Variants in PROCA1 observed in about 807,000 individuals in gnomAD.
The protein encoded by PROCA1 is protein interacting with cyclin A1.
In PROCA1, 22 loss-of-function variants were observed where a neutral mutation model predicts 23.2. That is an observed-to-expected ratio of 0.95 (90% CI 0.68 to 1.35). PROCA1 has a LOEUF of 1.35. Among genes scored for constraint, PROCA1 ranks in the 40% most tolerant of loss-of-function variants. The pLI is 0.00. For missense variants in PROCA1, 469 were observed against 459.8 expected (o/e 1.02, Z -0.18); for synonymous variants, 182 against 179.2 (o/e 1.02, Z -0.12).
At chr17:28,709,427 A>T (rs1396356098) in intron 1 of PROCA1, among the ~76,000 whole-genome samples, 1 of 151,446 alleles carries the variant, frequency 6.6e-6, no homozygotes, top group Non-Finnish European at 1.5e-5. Flanking sequence ...GGCTAATTTT[A>T]TGTATTTTTA....
chr17:28,707,028 C>T (rs1454167129), intron 1 of PROCA1: 2 of 342,316 alleles, frequency 5.8e-6, no homozygotes, highest in African/African-American at 2.2e-5. Context: ...AAGGGTAGCA[C>T]AGGACAAGGG....
chr17:28,711,527 C>A (rs1192223851), intron 1 of PROCA1, 43 bp downstream of exon 1: 1 of 1,522,414 alleles, frequency 6.6e-7, no homozygotes, highest in South Asian at 1.2e-5. Flanking sequence ...GGTCTGCGAG[C>A]CGGGCCGCGC....
At chr17:28,711,233 C>T in intron 1 of PROCA1, 1 of 1,007,794 alleles carries the variant, frequency 9.9e-7, no homozygotes, top group Non-Finnish European at 1.3e-6. Flanking sequence ...CCAGCCAAGG[C>T]CGGCGCTTCA....
chr17:28,706,860 G>A lies in PROCA1; in HGVS notation c.92-97C>T, dbSNP rs903936070. 5.4e-5 allele frequency: 63 copies of A among 1,177,196 alleles called. 1 individual carries two copies. The highest frequency in any genetic ancestry group is 5.6e-5 in the Non-Finnish European group (50 of 897,440). The allele number at this position is 1,177,196 out of a possible 1,614,324, so 72.9% of individuals were successfully genotyped here. ...GAGAAACTCCACATGTCAGGCCCTC[G>A]CTGCATCCTGGAGATGCAGAGATTA... On this transcript the variant is annotated intron_variant, in intron 1 of 4. Coordinates refer to ENST00000682792, the MANE Select transcript of PROCA1 (RefSeq NM_001366301.1).
At position 28,704,110 on chromosome 17, in the gene PROCA1, C is replaced by T. The variant is rs1197082246; in HGVS notation, c.543G>A (p.Glu181=). Reference sequence around the variant, plus strand: ...GTGTCGGGATGGGGGGCTTGCTTTCCTCCTCCTCCTCTTCCTCTTCTTCAT... The same window carrying T: ...GTGTCGGGATGGGGGGCTTGCTTTCTTCCTCCTCCTCTTCCTCTTCTTCAT... ...DLNEEEEEEE[E]ESKPPIPTQV... The change falls in exon 5 of 5, where the codon GAG becomes GAA. Residue 181 remains glutamate (E), a synonymous_variant. Transcript: ENST00000682792. The T allele has an allele frequency of 1.3e-6, 2 of 1,575,034 alleles. No homozygotes were observed. The highest frequency in any genetic ancestry group is 1.9e-5 in the Admixed American group (1 of 51,594).
intron 1 of PROCA1, among the ~76,000 whole-genome samples, chr17:28,707,668 GCTT>G (rs1333471297): frequency 1.3e-5 from 2 of 152,130 alleles, no homozygotes; most frequent in African/African-American, 2.4e-5. Flanking sequence ...TTCTTTACTG[GCTT>G]CTTTTTTCCC....
intron 1 of PROCA1, 59 bp downstream of exon 1, chr17:28,711,511 G>T (rs1295369819): frequency 6.3e-6 from 9 of 1,432,010 alleles, no homozygotes; most frequent in Admixed American, 2.1e-5. Flanking sequence ...CGCGTGCGCC[G>T]CTCGGGGTCT....
At chr17:28,711,400 C>T in intron 1 of PROCA1, 170 bp downstream of exon 1, 1 of 490,772 alleles carries the variant, frequency 2.0e-6, no homozygotes, top group Non-Finnish European at 3.2e-6. Flanking sequence ...AGCCCGCCCC[C>T]GGCCCTAGCT....
chr17:28,703,218 T>C lies in PROCA1; in HGVS notation c.*340A>G. On this transcript the variant is annotated 3_prime_UTR_variant, in exon 5 of 5. Transcript: ENST00000682792. ...AGAGTGGGTTAAAAAGTTCCGTTTA[T>C]TGGGGGTATCGCTGCAGACAGTACT... 3.8e-6 allele frequency: 1 copy of C among 263,210 alleles called. No individual in the cohort carries two copies. The highest frequency in any genetic ancestry group is 7.2e-6 in the Non-Finnish European group (1 of 138,876). The allele number at this position is 263,210 out of a possible 1,614,324, so 16.3% of individuals were successfully genotyped here. A position where few individuals can be genotyped will look rare whatever the true frequency, so the allele number is the denominator to read the frequency against.
Position 28,711,738 on chromosome 17 carries a change from C to A in PROCA1, c.-78G>T, listed in dbSNP as rs2032797436. 10 of 1,322,240 alleles carry A rather than the reference C, an allele frequency of 7.6e-6. No individual in the cohort carries two copies. The highest frequency in any genetic ancestry group is 2.8e-5 in the East Asian group (1 of 36,320). The allele number at this position is 1,322,240 out of a possible 1,614,324, so 81.9% of individuals were successfully genotyped here. A position where few individuals can be genotyped will look rare whatever the true frequency, so the allele number is the denominator to read the frequency against. On this transcript the variant is annotated 5_prime_UTR_variant, in exon 1 of 5. Coordinates refer to ENST00000682792, the MANE Select transcript of PROCA1 (RefSeq NM_001366301.1). ...CTGAGCCTCAGCCCGGCCGAGCCCT[C>A]GGCCCAGCCGTGAACTCCAGTCTCG...
rs1007002100 is a variant in PROCA1, at chr17:28,703,439, T to C, written c.*119A>G. 3 of 1,081,896 alleles carry C rather than the reference T, an allele frequency of 2.8e-6. No individual in the cohort carries two copies. The African/African-American group carries it at 4.7e-5, about 17-fold the overall frequency. 67.0% of individuals were successfully genotyped at this position (1,081,896 alleles called of 1,614,324 possible). On this transcript the variant is annotated 3_prime_UTR_variant, in exon 5 of 5. Transcript: ENST00000682792. ...AGCTGGATTGCCTTTGAGAAACCCC[T>C]GCAGCCCTGAGCCCACCCCTTGCCC...
In PROCA1 at chr17:28,704,411, G is replaced by T; in HGVS notation, c.336C>A (p.Ser112Arg). The change falls in exon 4 of 5, where the codon AGC (serine) becomes AGA (arginine). Residue 112 changes from serine to arginine, a missense_variant. Coordinates refer to ENST00000682792, the MANE Select transcript of PROCA1 (RefSeq NM_001366301.1). ...NSRLKDSSEDSSSSRGAGPTC... is the reference protein window; with the variant it reads ...NSRLKDSSEDRSSSRGAGPTC... Reference sequence around the variant, plus strand: ...TTGGGCCCGCGCCCCGGGAGCTGCTGCTATCCTCTGAAGAGTCCTTCAGCC... The same window carrying T: ...TTGGGCCCGCGCCCCGGGAGCTGCTTCTATCCTCTGAAGAGTCCTTCAGCC... 1.2e-6 allele frequency: 2 copies of T among 1,613,542 alleles called. No homozygotes were observed. The highest frequency in any genetic ancestry group is 1.7e-6 in the Non-Finnish European group (2 of 1,179,942).
Position 28,711,888 on chromosome 17 carries a change from C to T in PROCA1, c.-228G>A, listed in dbSNP as rs2032803977. On this transcript the variant is annotated 5_prime_UTR_variant, in exon 1 of 5. Transcript: ENST00000682792. ...CTCAGCGTCAGCCGCGTTCTTCATCCGGGGCCTCCGGCGCCTCCCAGGCCC... is the reference window on the plus strand; with the variant it reads ...CTCAGCGTCAGCCGCGTTCTTCATCTGGGGCCTCCGGCGCCTCCCAGGCCC... 2 of 482,352 alleles carry T rather than the reference C, an allele frequency of 4.1e-6. No individual in the cohort carries two copies. Among genetic ancestry groups the T allele is most frequent in the African/African-American group, 2.0e-5 (1 of 48,968 alleles). The allele number at this position is 482,352 out of a possible 1,614,324, so 29.9% of individuals were successfully genotyped here. A position where few individuals can be genotyped will look rare whatever the true frequency, so the allele number is the denominator to read the frequency against.
In PROCA1 at chr17:28,710,387, A is replaced by G. The variant is rs568511674; in HGVS notation, c.91+1183T>C. On this transcript the variant is annotated intron_variant, in intron 1 of 4. Transcript: ENST00000682792. ...CTGGGCGTGGTGGCGCGCGCCTGTA[A>G]TCCCAGCTACTCAGGAGGCTGAGGC... is the stretch of plus-strand genomic sequence containing the variant. Among the ~76,000 whole-genome samples, 949 of 151,578 alleles carry G rather than the reference A, an allele frequency of 6.3e-3. 6 individuals are homozygous for G. Among genetic ancestry groups the G allele is most frequent in the Non-Finnish European group, 0.01 (683 of 67,838 alleles).
chr17:28,707,172 G>A, intron 1 of PROCA1: 1 of 226,424 alleles, frequency 4.4e-6, no homozygotes, highest in South Asian at 6.3e-5. Flanking sequence ...CTGTCCCAGG[G>A]TGTGTGGAGC....
Position 28,706,711 on chromosome 17 carries a change from C to A in PROCA1, c.144G>T (p.Ala48=). The part of the protein sequence containing the change: ...WERGHLLAGV[A]SSTDVSTFSE... ...AGAAGGTAGACACATCAGTGCTGGA[C>A]GCCACACCAGCCAGCAGATGTCCTC... Residue 48 remains alanine, a synonymous_variant, in exon 2 of 5, where the codon GCG becomes GCT. Coordinates refer to ENST00000682792, the MANE Select transcript of PROCA1 (RefSeq NM_001366301.1). 1 of 1,303,744 alleles carries A rather than the reference C, an allele frequency of 7.7e-7. No individual in the cohort carries two copies. Among genetic ancestry groups the A allele is most frequent in the Non-Finnish European group, 1.0e-6 (1 of 988,846 alleles). 80.8% of individuals were successfully genotyped at this position (1,303,744 alleles called of 1,614,324 possible).
In PROCA1 at chr17:28,703,810, G is replaced by C; in HGVS notation, c.843C>G (p.Ser281Arg). 1.2e-6 allele frequency: 2 copies of C among 1,614,158 alleles called. No individual in the cohort carries two copies. The highest frequency in any genetic ancestry group is 1.6e-4 in the Middle Eastern group (1 of 6,062). The change falls in exon 5 of 5, where the codon AGC becomes AGG. Residue 281 changes from serine to arginine, a missense_variant. Transcript: ENST00000682792. ...CCAGCTGTCTTGCGCTTAATGATCG[G>C]CTCACGTCTGGCGGGGAAGGCTCCA... is the stretch of plus-strand genomic sequence containing the variant. ...VKLEPSPPDV[S>R]RSLSARQLAR...
Position 28,711,717 on chromosome 17 carries a change from G to C in PROCA1, c.-57C>G. ...ACTCTTGCGTGAAGTCCAACCCTGA[G>C]CCTCAGCCCGGCCGAGCCCTCGGCC... On this transcript the variant is annotated 5_prime_UTR_variant, in exon 1 of 5. Transcript: ENST00000682792. 6.6e-7 allele frequency: 1 copy of C among 1,507,214 alleles called. No individual in the cohort carries two copies. 93.4% of individuals were successfully genotyped at this position (1,507,214 alleles called of 1,614,324 possible).
intron 2 of PROCA1, chr17:28,706,218 TCAC>T (rs1264884058): frequency 6.2e-6 from 1 of 162,532 alleles, no homozygotes; most frequent in African/African-American, 2.4e-5. Context: ...CCCTGAAACT[TCAC>T]CACCACCTTG....
Sources: allele counts gnomAD v4.1 joint callset (sites outside exome capture counted in the v4.1 genomes callset), GRCh38; gene constraint gnomAD v4.1.1; transcripts MANE v1.5; gene names NCBI Gene and HGNC (gene_info 2026-07-23, HGNC 2026-07-21).